TACC2: variants seen among roughly 807,000 people sequenced by gnomAD.
TACC2 encodes transforming acidic coiled-coil containing protein 2, also known as transforming acidic coiled-coil-containing protein 2.
In TACC2, 137 loss-of-function variants were observed where a neutral mutation model predicts 227.3. The ratio of observed to expected loss-of-function variants is 0.60; its 90% CI spans 0.52 to 0.69. TACC2 has a LOEUF of 0.69. Ranked by LOEUF, TACC2 falls within the 30% of genes least tolerant of loss-of-function variation. The pLI is 0.00. For missense variants in TACC2, 3,470 were observed against 3,694.4 expected (o/e 0.94, Z 1.57); for synonymous variants, 1,523 against 1,487.5 (o/e 1.02, Z -0.55).
intron 3 of TACC2, among the ~76,000 whole-genome samples, chr10:122,075,646 C>T (rs1270975663): frequency 6.6e-6 from 1 of 152,152 alleles, no homozygotes; most frequent in Non-Finnish European, 1.5e-5. Flanking sequence ...CCTTTCAGTC[C>T]TCGAATCCTC....
chr10:122,119,577 T>TAC (rs139574501), intron 5 of TACC2, among the ~76,000 whole-genome samples: 3,148 of 152,318 alleles, frequency 0.021, 131 homozygotes, highest in African/African-American at 0.071. Context: ...CCTGACTGTA[T>TAC]AGCTTCTCCC....
At chr10:122,049,982 C>A (rs1002320787) in intron 2 of TACC2, among the ~76,000 whole-genome samples, 1 of 152,072 alleles carries the variant, frequency 6.6e-6, no homozygotes. Context: ...TTTCTTCTTC[C>A]GGTTAGTTTT....
chr10:122,216,611 T>C lies in TACC2; in HGVS notation c.7345-16T>C. The stretch of plus-strand genomic sequence containing the variant: ...GAGTCTGATGAGACAAGAAACAGTT[T>C]CTCTTCTCTTTGCAGGACCCCACCC... On this transcript the variant is annotated splice_polypyrimidine_tract_variant and intron_variant, in intron 10 of 22. Transcript: ENST00000369005. The C allele has an allele frequency of 6.2e-7, 1 of 1,610,818 alleles. No individual in the cohort carries two copies. The highest frequency in any genetic ancestry group is 8.5e-7 in the Non-Finnish European group (1 of 1,178,346).
intron 21 of TACC2, 115 bp from the exon 22 acceptor site, chr10:122,249,429 A>G: frequency 1.4e-6 from 2 of 1,411,468 alleles, no homozygotes; most frequent in Admixed American, 2.1e-5. Context: ...CTCCAGCTCC[A>G]GTTGGTGGCA....
chr10:122,007,357 A>G (rs1467011716), intron 1 of TACC2, among the ~76,000 whole-genome samples: 1 of 152,016 alleles, frequency 6.6e-6, no homozygotes, highest in Non-Finnish European at 1.5e-5. Flanking sequence ...TTCTGATTCA[A>G]GGTATTTTAT....
chr10:121,992,345 T>C (rs1953061221), intron 1 of TACC2, among the ~76,000 whole-genome samples: 1 of 152,240 alleles, frequency 6.6e-6, no homozygotes, highest in Non-Finnish European at 1.5e-5. Context: ...GAAAAAGTGC[T>C]AATGTGAAAA....
At chr10:122,091,421 T>C (rs2080806752) in intron 5 of TACC2, among the ~76,000 whole-genome samples, 1 of 152,218 alleles carries the variant, frequency 6.6e-6, no homozygotes, top group Non-Finnish European at 1.5e-5. Context: ...AAATGACATA[T>C]GTGGCTTTTG....
In TACC2 at chr10:122,085,859, C is replaced by G; in HGVS notation, c.3359C>G (p.Ala1120Gly). The change falls in exon 4 of 23, where the codon GCT (alanine) becomes GGT (glycine). Residue 1120 changes from alanine (A) to glycine (G), a missense_variant. By Grantham distance (60) the Ala-to-Gly change is moderately conservative. Coordinates refer to ENST00000369005, the MANE Select transcript of TACC2 (RefSeq NM_206862.4). Reference protein sequence around the residue: ...SPKLLASFPSAGEQGGEAGAA... With the variant: ...SPKLLASFPSGGEQGGEAGAA... ...AAGCTTCTTGCAAGTTTCCCATCAGCTGGGGAGCAAGGTGGTGAAGCCGGG... is the reference window on the plus strand; with the variant it reads ...AAGCTTCTTGCAAGTTTCCCATCAGGTGGGGAGCAAGGTGGTGAAGCCGGG... The G allele has an allele frequency of 6.2e-7, 1 of 1,613,226 alleles. No individual in the cohort carries two copies. Among genetic ancestry groups the G allele is most frequent in the South Asian group, 1.1e-5 (1 of 90,962 alleles).
intron 3 of TACC2, among the ~76,000 whole-genome samples, chr10:122,077,162 A>G (rs1406003930): frequency 6.6e-6 from 1 of 151,980 alleles, no homozygotes; most frequent in East Asian, 1.9e-4. Flanking sequence ...TAGTGAAACA[A>G]CCACGATTTG....
rs773344385 is a variant in TACC2 at position 122,229,331 on chromosome 10, T to C, written c.7897-15T>C. ...TCTATTTTTCTTGTGTGTCCTCCTC[T>C]CTGCCGGCTTTCAGACAGCTCCCGA... On this transcript the variant is annotated splice_polypyrimidine_tract_variant and intron_variant, in intron 14 of 22. Coordinates refer to ENST00000369005, the MANE Select transcript of TACC2 (RefSeq NM_206862.4). The C allele has an allele frequency of 3.7e-6, 6 of 1,613,810 alleles. No individual in the cohort carries two copies. Among genetic ancestry groups the C allele is most frequent in the Middle Eastern group, 1.7e-4 (1 of 6,052 alleles).
In TACC2 at chr10:122,211,585, C is replaced by T. The variant is rs1482751047; in HGVS notation, c.7160C>T (p.Thr2387Ile). 6.2e-7 allele frequency: 1 copy of T among 1,613,912 alleles called. No individual in the cohort carries two copies. The highest frequency in any genetic ancestry group is 8.5e-7 in the Non-Finnish European group (1 of 1,180,014). The change falls in exon 9 of 23, where the codon ACC becomes ATC. Residue 2387 changes from threonine to isoleucine, a missense_variant. This residue lies in a region of TACC2 where 593 missense variants were observed against 636.6 expected (regional missense o/e 0.93). Coordinates refer to ENST00000369005, the MANE Select transcript of TACC2 (RefSeq NM_206862.4). ...GACCCCTTTAAGACATCCTCTAAGA[C>T]CCCCAGCTCACCTTCTAAATCCCCA... ...SVDPFKTSSK[T>I]PSSPSKSPAS...
At chr10:122,042,694 A>G (rs2074453027) in intron 2 of TACC2, among the ~76,000 whole-genome samples, 1 of 152,176 alleles carries the variant, frequency 6.6e-6, no homozygotes, top group Non-Finnish European at 1.5e-5. Flanking sequence ...AACCTTCAGA[A>G]CAACCCTGCA....
At chr10:122,123,295 G>A (rs2138499085) in intron 5 of TACC2, among the ~76,000 whole-genome samples, 1 of 152,262 alleles carries the variant, frequency 6.6e-6, no homozygotes, top group African/African-American at 2.4e-5. Flanking sequence ...GTGAGCCACC[G>A]CGCCTGGCCT....
intron 3 of TACC2, among the ~76,000 whole-genome samples, chr10:122,076,090 G>A (rs893122986): frequency 1.3e-5 from 2 of 152,176 alleles, no homozygotes; most frequent in African/African-American, 4.8e-5. Context: ...GTGAGCCACT[G>A]CACCTAGCAT....
intron 3 of TACC2, among the ~76,000 whole-genome samples, chr10:122,058,381 T>G (rs975269206): frequency 6.6e-6 from 1 of 152,094 alleles, no homozygotes; most frequent in African/African-American, 2.4e-5. Context: ...GCGGGATGGA[T>G]GGCCAGCCTG....
intron 7 of TACC2, among the ~76,000 whole-genome samples, chr10:122,190,649 C>G (rs1013865653): frequency 6.6e-6 from 1 of 152,110 alleles, no homozygotes; most frequent in Non-Finnish European, 1.5e-5. Flanking sequence ...CCTGCCCTGT[C>G]TGCCTTATTA....
chr10:122,202,079 T>A (rs1255555438), intron 8 of TACC2, among the ~76,000 whole-genome samples: 2 of 150,640 alleles, frequency 1.3e-5, no homozygotes, highest in Admixed American at 1.3e-4. Flanking sequence ...GGCTCATTTC[T>A]AAGTTAAGTG....
At chr10:122,143,845 C>T (rs2091017357) in intron 7 of TACC2, 139 bp downstream of exon 7, 5 of 960,856 alleles carry the variant, frequency 5.2e-6, no homozygotes, top group Non-Finnish European at 7.6e-6. Flanking sequence ...GACCATGTCT[C>T]TGACCCTTTG....
intron 3 of TACC2, among the ~76,000 whole-genome samples, chr10:122,082,069 A>G (rs2079577317): frequency 7.4e-6 from 1 of 135,756 alleles, no homozygotes; most frequent in Non-Finnish European, 1.6e-5. Flanking sequence ...TAATTCCAGC[A>G]CTTTGGGAGG....
Sources: gnomAD v4.1 joint callset for allele counts (sites outside exome capture counted in the v4.1 genomes callset) on GRCh38, gnomAD v4.1.1 for gene constraint, gnomAD v4.1.1 regional missense constraint, MANE v1.5 for transcripts, NCBI Gene and HGNC (gene_info 2026-07-23, HGNC 2026-07-21) for gene names.